Variants in SPMIP7 observed in about 807,000 individuals in gnomAD.
SPMIP7 encodes protein SPMIP7.
chr7:50,138,875 G>T, the SPMIP7 span, among the ~76,000 whole-genome samples: 1 of 151,862 alleles, frequency 6.6e-6, no homozygotes, highest in Admixed American at 6.6e-5. Context: ...GTACGGAGAA[G>T]AATATTGAGT....
the SPMIP7 span, among the ~76,000 whole-genome samples, chr7:50,145,614 GTGTGTATATATATATATATATA>G: frequency 0.069 from 2,701 of 39,060 alleles, 500 homozygotes; most frequent in Admixed American, 0.38. Flanking sequence ...GTGTATATGT[GTGTGTATATATATATATATATA>G]TATATATATA....
the SPMIP7 span, among the ~76,000 whole-genome samples, chr7:50,123,009 C>A: frequency 2.1e-5 from 3 of 142,492 alleles, no homozygotes; most frequent in African/African-American, 8.1e-5. Flanking sequence ...GTCAGTGTGG[C>A]CATTCCTCAG....
chr7:50,124,875 G>C, the SPMIP7 span, among the ~76,000 whole-genome samples: 2 of 151,868 alleles, frequency 1.3e-5, no homozygotes, highest in Non-Finnish European at 2.9e-5. Flanking sequence ...AAGTTGGGTG[G>C]ATCACTTGAG....
At chr7:50,148,912 C>T in the SPMIP7 span, among the ~76,000 whole-genome samples, 53 of 152,186 alleles carry the variant, frequency 3.5e-4, no homozygotes, top group Middle Eastern at 3.4e-3. Flanking sequence ...TTTGGGAGGC[C>T]GAGGCGGGTG....
chr7:50,115,358 A>T, the SPMIP7 span, among the ~76,000 whole-genome samples: 4 of 152,280 alleles, frequency 2.6e-5, no homozygotes, highest in African/African-American at 7.2e-5. Context: ...CCGTTAGTAG[A>T]TATCTCAAAA....
chr7:50,123,915 AC>A, the SPMIP7 span, among the ~76,000 whole-genome samples: 1 of 152,158 alleles, frequency 6.6e-6, no homozygotes, highest in Non-Finnish European at 1.5e-5. Flanking sequence ...ATGGTAATAT[AC>A]TAAACATTCC....
At chr7:50,136,258 G>T in the SPMIP7 span, 1 of 884,338 alleles carries the variant, frequency 1.1e-6, no homozygotes. Flanking sequence ...GCTTAGAGGT[G>T]TGGGTGAGGG....
At chr7:50,126,285 T>C in the SPMIP7 span, among the ~76,000 whole-genome samples, 1 of 152,066 alleles carries the variant, frequency 6.6e-6, no homozygotes, top group Admixed American at 6.6e-5. Flanking sequence ...GCCAATTAAT[T>C]TGGCACTTAG....
the SPMIP7 span, chr7:50,158,971 T>C: frequency 6.9e-7 from 1 of 1,453,422 alleles, no homozygotes; most frequent in Non-Finnish European, 9.4e-7. Context: ...GGGGTATCAT[T>C]AGTTGGATGA....
chr7:50,140,043 G>C, the SPMIP7 span: 1 of 812,622 alleles, frequency 1.2e-6, no homozygotes, highest in African/African-American at 1.8e-5. Context: ...TGAGATATCT[G>C]TGAAGGCTTT....
At chr7:50,112,695 C>T in the SPMIP7 span, among the ~76,000 whole-genome samples, 34 of 152,218 alleles carry the variant, frequency 2.2e-4, no homozygotes, top group South Asian at 4.8e-3. Context: ...GGGAAACTAA[C>T]GATGTGAGCC....
the SPMIP7 span, among the ~76,000 whole-genome samples, chr7:50,153,872 C>T: frequency 1.3e-5 from 2 of 152,200 alleles, no homozygotes; most frequent in African/African-American, 4.8e-5. Flanking sequence ...TGCATACAGA[C>T]AATTCTAAGC....
At chr7:50,120,728 C>T in the SPMIP7 span, among the ~76,000 whole-genome samples, 2 of 152,140 alleles carry the variant, frequency 1.3e-5, no homozygotes, top group Non-Finnish European at 2.9e-5. Context: ...AGATTTTTCT[C>T]ATCTCTGTGT....
At chr7:50,155,606 A>G in the SPMIP7 span, among the ~76,000 whole-genome samples, 2 of 152,178 alleles carry the variant, frequency 1.3e-5, no homozygotes, top group African/African-American at 4.8e-5. Flanking sequence ...ATATCTACAC[A>G]ACACATAATC....
At chr7:50,137,676 A>G in the SPMIP7 span, among the ~76,000 whole-genome samples, 1 of 152,024 alleles carries the variant, frequency 6.6e-6, no homozygotes, top group Non-Finnish European at 1.5e-5. Flanking sequence ...CAGTGTTTAG[A>G]ATTTTCAGAT....
the SPMIP7 span, among the ~76,000 whole-genome samples, chr7:50,108,498 A>T: frequency 6.6e-6 from 1 of 152,222 alleles, no homozygotes; most frequent in South Asian, 2.1e-4. Context: ...GCACACCAAG[A>T]TAATAGTCAA....
At chr7:50,112,851 A>G in the SPMIP7 span, among the ~76,000 whole-genome samples, 1 of 151,986 alleles carries the variant, frequency 6.6e-6, no homozygotes, top group Admixed American at 6.6e-5. Context: ...TTTGCAGGGT[A>G]AGATAGCAGA....
At chr7:50,140,144 A>G in the SPMIP7 span, 1 of 1,501,718 alleles carries the variant, frequency 6.7e-7, no homozygotes, top group Non-Finnish European at 8.9e-7. Flanking sequence ...TTGAAGTGTG[A>G]GTTCAAGTTC....
the SPMIP7 span, among the ~76,000 whole-genome samples, chr7:50,149,369 C>A: frequency 1.7e-3 from 254 of 152,314 alleles, 3 homozygotes; most frequent in African/African-American, 5.9e-3. Context: ...CTATTAAGTG[C>A]TAACAATTTG....
Sources: allele counts gnomAD v4.1 joint callset (sites outside exome capture counted in the v4.1 genomes callset), GRCh38; gene constraint gnomAD v4.1.1; transcripts MANE v1.5; gene names NCBI Gene and HGNC (gene_info 2026-07-23, HGNC 2026-07-21).